Variants in TASP1 observed in about 807,000 individuals in gnomAD.
The protein encoded by TASP1 is threonine aspartase 1.
TASP1 carries 16 observed loss-of-function variants against 56.6 expected under a neutral mutation model. The observed-to-expected ratio is 0.28, with a 90% CI of 0.19 to 0.43. The LOEUF is 0.43. TASP1 is among the 20% of genes least tolerant of loss of function. The pLI is 1.00. For missense variants in TASP1, 393 were observed against 511.6 expected (o/e 0.77, Z 2.24); for synonymous variants, 179 against 184.2 (o/e 0.97, Z 0.23).
At chr20:13,409,443 C>T (rs569996591) in intron 13 of TASP1, among the ~76,000 whole-genome samples, 2 of 151,982 alleles carry the variant, frequency 1.3e-5, no homozygotes, top group Admixed American at 6.6e-5. Flanking sequence ...ACGTTTTATA[C>T]CTTTTTAATT....
the TASP1 span, among the ~76,000 whole-genome samples, chr20:13,110,507 C>T: frequency 1.6e-3 from 238 of 152,314 alleles, 2 homozygotes; most frequent in African/African-American, 5.4e-3. Flanking sequence ...CTACCTTTGA[C>T]TGCCCCAGAG....
At chr20:13,158,335 T>C in the TASP1 span, among the ~76,000 whole-genome samples, 3 of 152,126 alleles carry the variant, frequency 2.0e-5, no homozygotes, top group Non-Finnish European at 4.4e-5. Context: ...TTTAGTAGTG[T>C]AAGGTTTAAA....
the TASP1 span, among the ~76,000 whole-genome samples, chr20:13,131,482 C>T: frequency 1.3e-5 from 2 of 152,198 alleles, no homozygotes; most frequent in African/African-American, 4.8e-5. Context: ...ACACACTAAA[C>T]ACTCAATAAA....
the TASP1 span, among the ~76,000 whole-genome samples, chr20:13,277,820 A>T: frequency 6.6e-6 from 1 of 151,714 alleles, no homozygotes; most frequent in Non-Finnish European, 1.5e-5. Context: ...GCCTGAGTAG[A>T]CTCTGGGGTT....
intron 11 of TASP1, among the ~76,000 whole-genome samples, chr20:13,470,072 G>A (rs7265782): frequency 0.033 from 4,950 of 151,828 alleles, 258 homozygotes; most frequent in African/African-American, 0.11. Context: ...GTTTCTAAAT[G>A]TGATTTTTAA....
intron 10 of TASP1, among the ~76,000 whole-genome samples, chr20:13,484,254 C>T (rs1464978651): frequency 1.3e-5 from 2 of 152,160 alleles, no homozygotes; most frequent in African/African-American, 4.8e-5. Context: ...TCTGGTGATT[C>T]CTCAAGGATC....
rs1022259313 is a variant in TASP1 at position 13,569,522 on chromosome 20, T to C, written c.553A>G (p.Asn185Asp). ...TTTTACTCACTTGTGGTCATGATGT[T>C]AGGAGGGCAAGAGGGTATTCCATGA... ...VDHGIPSCPP[N>D]IMTTRFSLAA... The change falls in exon 7 of 14, where the codon AAC becomes GAC. Residue 185 changes from asparagine to aspartate, a missense_variant. Coordinates refer to ENST00000337743, the MANE Select transcript of TASP1 (RefSeq NM_017714.3). The C allele has an allele frequency of 1.6e-5, 26 of 1,612,274 alleles. No individual in the cohort carries two copies. The highest frequency in any genetic ancestry group is 2.0e-5 in the Non-Finnish European group (24 of 1,179,426).
At chr20:13,237,045 G>C in the TASP1 span, among the ~76,000 whole-genome samples, 1 of 152,224 alleles carries the variant, frequency 6.6e-6, no homozygotes, top group Admixed American at 6.5e-5. Context: ...TAGGGACTCT[G>C]TGTGGGGGCT....
At chr20:13,520,048 A>G (rs1488205285) in intron 10 of TASP1, among the ~76,000 whole-genome samples, 1 of 152,224 alleles carries the variant, frequency 6.6e-6, no homozygotes. Flanking sequence ...TAAAATAGCT[A>G]GGAATCCAAC....
intron 11 of TASP1, among the ~76,000 whole-genome samples, chr20:13,452,106 A>G (rs547719610): frequency 5.3e-5 from 8 of 152,232 alleles, no homozygotes; most frequent in African/African-American, 1.9e-4. Context: ...CCATAGTAAC[A>G]TCAAAGATCA....
intron 4 of TASP1, among the ~76,000 whole-genome samples, chr20:13,589,137 G>A (rs546886542): frequency 1.1e-4 from 16 of 145,906 alleles, no homozygotes; most frequent in Admixed American, 6.9e-4. Context: ...GGCTCACTGC[G>A]AGCTCTGCCT....
At chr20:13,363,752 A>G in the TASP1 span, among the ~76,000 whole-genome samples, 13 of 152,354 alleles carry the variant, frequency 8.5e-5, no homozygotes, top group East Asian at 2.3e-3. Context: ...ACACCTAGTT[A>G]ATGTCCAATG....
intron 8 of TASP1, among the ~76,000 whole-genome samples, chr20:13,537,750 T>C (rs950300218): frequency 5.9e-5 from 9 of 152,296 alleles, no homozygotes; most frequent in Non-Finnish European, 1.2e-4. Flanking sequence ...AAAGTTAGCA[T>C]AGAGGTTACA....
At chr20:13,379,411 C>T in the TASP1 span, among the ~76,000 whole-genome samples, 2 of 152,212 alleles carry the variant, frequency 1.3e-5, no homozygotes, top group Admixed American at 1.3e-4. Context: ...CCCCCATTCT[C>T]TTCTGGCTTA....
chr20:13,482,793 C>A (rs1243528378), intron 11 of TASP1, among the ~76,000 whole-genome samples: 1 of 152,076 alleles, frequency 6.6e-6, no homozygotes, highest in Non-Finnish European at 1.5e-5. Context: ...ATTGTTAAAA[C>A]AAAATAACAA....
chr20:13,130,003 T>C, the TASP1 span, among the ~76,000 whole-genome samples: 1 of 150,928 alleles, frequency 6.6e-6, no homozygotes, highest in Non-Finnish European at 1.5e-5. Context: ...AATAGGAGAA[T>C]GAGGGAGAAA....
At chr20:13,483,567 A>C (rs1356830030) in intron 10 of TASP1, among the ~76,000 whole-genome samples, 1 of 152,202 alleles carries the variant, frequency 6.6e-6, no homozygotes, top group East Asian at 1.9e-4. Flanking sequence ...ACAAATTAAT[A>C]TGATACGTAG....
At chr20:13,493,168 AAAC>A (rs1241747563) in intron 10 of TASP1, among the ~76,000 whole-genome samples, 1 of 152,208 alleles carries the variant, frequency 6.6e-6, no homozygotes, top group African/African-American at 2.4e-5. Context: ...AAAAACAAAC[AAAC>A]AAAAAAACCT....
At chr20:13,614,332 A>G (rs2048449097) in intron 4 of TASP1, among the ~76,000 whole-genome samples, 1 of 152,004 alleles carries the variant, frequency 6.6e-6, no homozygotes, top group African/African-American at 2.4e-5. Flanking sequence ...CTTCATTTAA[A>G]AAAAAAAACC....
Sources: allele counts gnomAD v4.1 joint callset (sites outside exome capture counted in the v4.1 genomes callset), GRCh38; gene constraint gnomAD v4.1.1; transcripts MANE v1.5; gene names NCBI Gene and HGNC (gene_info 2026-07-23, HGNC 2026-07-21).